ATP6V1C2: variants seen among roughly 807,000 people sequenced by gnomAD.
The protein encoded by ATP6V1C2 is V-type proton ATPase subunit C 2.
In ATP6V1C2, 45 loss-of-function variants were observed where a neutral mutation model predicts 56.8. The observed-to-expected ratio is 0.79, with a 90% CI of 0.62 to 1.02. ATP6V1C2 has a LOEUF of 1.02. Ranked by LOEUF, ATP6V1C2 falls within the 50% of genes least tolerant of loss-of-function variation. The pLI, the probability that ATP6V1C2 is intolerant of heterozygous loss-of-function variation, is 0.00. For synonymous variants in ATP6V1C2, 220 were observed against 201.3 expected (o/e 1.09, Z -0.79); for missense variants, 463 against 519.7 (o/e 0.89, Z 1.06).
At position 10,784,901 on chromosome 2, in the gene ATP6V1C2, G is replaced by T; in HGVS notation, c.*1638G>T. 1 of 1,432,996 alleles carries T rather than the reference G, an allele frequency of 7.0e-7. No individual in the cohort carries two copies. Among genetic ancestry groups the T allele is most frequent in the Non-Finnish European group, 9.7e-7 (1 of 1,036,048 alleles). The allele number at this position is 1,432,996 out of a possible 1,614,324, so 88.8% of individuals were successfully genotyped here. A position where few individuals can be genotyped will look rare whatever the true frequency, so the allele number is the denominator to read the frequency against. On this transcript the variant is annotated 3_prime_UTR_variant, in exon 14 of 14. Coordinates refer to ENST00000272238, the MANE Select transcript of ATP6V1C2 (RefSeq NM_001039362.2). ...AGGCTCAAGAGAGTAAACCAGGACT[G>T]CTGCCCGCACAGCTTCCCTCCCGGG...
At position 10,774,772 on chromosome 2, in the gene ATP6V1C2, T is replaced by C; in HGVS notation, c.639-16T>C. ...CCTAGCAGTGAGTCCAGCCAACAGATGCTTCTCTCCAACAGACTCATTACT... is the reference window on the plus strand; with the variant it reads ...CCTAGCAGTGAGTCCAGCCAACAGACGCTTCTCTCCAACAGACTCATTACT... On this transcript the variant is annotated splice_polypyrimidine_tract_variant and intron_variant, in intron 8 of 13. Coordinates refer to ENST00000272238, the MANE Select transcript of ATP6V1C2 (RefSeq NM_001039362.2). 6.2e-7 allele frequency: 1 copy of C among 1,610,740 alleles called. No homozygotes were observed. Among genetic ancestry groups the C allele is most frequent in the Non-Finnish European group, 8.5e-7 (1 of 1,176,956 alleles).
intron 3 of ATP6V1C2, among the ~76,000 whole-genome samples, chr2:10,746,278 G>T (rs1171135057): frequency 6.6e-6 from 1 of 152,142 alleles, no homozygotes; most frequent in East Asian, 1.9e-4. Flanking sequence ...GGGATTACAG[G>T]TGTGAGCCAC....
chr2:10,749,658 G>A (rs11690607), intron 3 of ATP6V1C2, among the ~76,000 whole-genome samples: 4,131 of 152,194 alleles, frequency 0.027, 180 homozygotes, highest in African/African-American at 0.094. Context: ...AACTGTAAAT[G>A]TTCATATTCT....
At chr2:10,770,624 G>C (rs1348979405) in intron 6 of ATP6V1C2, among the ~76,000 whole-genome samples, 1 of 152,246 alleles carries the variant, frequency 6.6e-6, no homozygotes, top group Non-Finnish European at 1.5e-5. Flanking sequence ...GATTGGTTGG[G>C]ACTTGTGCAA....
rs143204819 is a variant in ATP6V1C2, at chr2:10,743,075, C to T, written c.198-10906C>T. On this transcript the variant is annotated intron_variant, in intron 3 of 13. Transcript: ENST00000272238. ...GCCTGAGTAGCACGCCTCTGTCTTA[C>T]TCCTTTATTTACTCACTGCTTTGTC... Among the ~76,000 whole-genome samples the T allele has an allele frequency of 2.6e-4, 39 of 152,278 alleles. 1 individual carries two copies. In the East Asian group the frequency reaches 6.8e-3, roughly 26 times the overall value.
At chr2:10,775,202 C>G in intron 10 of ATP6V1C2, 131 bp downstream of exon 10, 1 of 721,602 alleles carries the variant, frequency 1.4e-6, no homozygotes, top group Non-Finnish European at 2.4e-6. Flanking sequence ...CCATGGGGAC[C>G]GTCTGTTCTC....
chr2:10,774,905 A>G lies in ATP6V1C2; in HGVS notation c.731+25A>G, dbSNP rs370217739. Reference sequence around the variant, plus strand: ...AGTAAGGGTCCTCCAGGTTTGGTTCATCTCCCGCTGCGGGGGGTCTCTGCC... The same window carrying G: ...AGTAAGGGTCCTCCAGGTTTGGTTCGTCTCCCGCTGCGGGGGGTCTCTGCC... On this transcript the variant is annotated intron_variant, in intron 9 of 13. Coordinates refer to ENST00000272238, the MANE Select transcript of ATP6V1C2 (RefSeq NM_001039362.2). 37 of 1,613,136 alleles carry G rather than the reference A, an allele frequency of 2.3e-5. No homozygotes were observed. The African/African-American group carries it at 2.9e-4, about 13-fold the overall frequency.
chr2:10,784,349 T>C lies in ATP6V1C2; in HGVS notation c.*1086T>C, dbSNP rs202128717. The C allele has an allele frequency of 1.9e-6, 3 of 1,601,264 alleles. No individual in the cohort carries two copies. Among genetic ancestry groups the C allele is most frequent in the South Asian group, 2.2e-5 (2 of 90,044 alleles). On this transcript the variant is annotated 3_prime_UTR_variant, in exon 14 of 14. Transcript: ENST00000272238. ...AAGCTGGGAGACGACAGAAAGCCAC[T>C]GTTAGATCTGCAGAAGGGGACACCC...
chr2:10,777,860 T>A, intron 11 of ATP6V1C2, 138 bp downstream of exon 11: 1 of 1,128,256 alleles, frequency 8.9e-7, no homozygotes, highest in South Asian at 1.7e-5. Context: ...GGAGCCGGAA[T>A]CATGCCTTCC....
At position 10,724,768 on chromosome 2, in the gene ATP6V1C2, G is replaced by A. The variant is rs564757011; in HGVS notation, c.130-1734G>A. Reference sequence around the variant, plus strand: ...GCTCACTGCAACCTCCGCCTCCTGGGTTCAAGTGATTCTCCTGCCTCAGCC... The same window carrying A: ...GCTCACTGCAACCTCCGCCTCCTGGATTCAAGTGATTCTCCTGCCTCAGCC... On this transcript the variant is annotated intron_variant, in intron 2 of 13. Transcript: ENST00000272238. 5.6e-3 allele frequency among the ~76,000 whole-genome samples: 843 copies of A among 151,308 alleles called. 9 individuals carry two copies. The highest frequency in any genetic ancestry group is 9.2e-3 in the Non-Finnish European group (623 of 67,916).
At chr2:10,729,916 G>A (rs751511674) in intron 3 of ATP6V1C2, among the ~76,000 whole-genome samples, 12 of 152,172 alleles carry the variant, frequency 7.9e-5, no homozygotes, top group Admixed American at 6.5e-5. Context: ...CTGCAGTGCT[G>A]GGACTCAGTG....
At chr2:10,730,057 T>C (rs1213888589) in intron 3 of ATP6V1C2, among the ~76,000 whole-genome samples, 2 of 152,230 alleles carry the variant, frequency 1.3e-5, no homozygotes, top group African/African-American at 4.8e-5. Context: ...AATGGTGATA[T>C]GGCTGCTACT....
intron 10 of ATP6V1C2, among the ~76,000 whole-genome samples, 178 bp downstream of exon 10, chr2:10,775,249 T>C (rs1406264179): frequency 6.6e-6 from 1 of 151,852 alleles, no homozygotes; most frequent in South Asian, 2.1e-4. Flanking sequence ...GGAGGGGCGG[T>C]GAGCACAAAG....
intron 5 of ATP6V1C2, among the ~76,000 whole-genome samples, chr2:10,764,744 G>C (rs1262717710): frequency 6.6e-6 from 1 of 152,218 alleles, no homozygotes; most frequent in Non-Finnish European, 1.5e-5. Context: ...GGCCAAGGTG[G>C]GTGGATCATG....
At chr2:10,730,316 A>G (rs771267324) in intron 3 of ATP6V1C2, among the ~76,000 whole-genome samples, 2 of 152,048 alleles carry the variant, frequency 1.3e-5, no homozygotes, top group Non-Finnish European at 2.9e-5. Flanking sequence ...GGGTTTCACC[A>G]TGTTGGGCAG....
rs1305713933 is a variant in ATP6V1C2 at position 10,763,814 on chromosome 2, G to T, written c.284-517G>T. 6.6e-6 allele frequency among the ~76,000 whole-genome samples: 1 copy of T among 152,162 alleles called. No homozygotes were observed. The highest frequency in any genetic ancestry group is 1.5e-5 in the Non-Finnish European group (1 of 68,030). On this transcript the variant is annotated intron_variant, in intron 4 of 13. Transcript: ENST00000272238. The surrounding 1 kb of genome is among the most constrained non-coding windows in gnomAD (Gnocchi z 4.2). Reference sequence around the variant, plus strand: ...TTCCCTCCTAGCCTAGAGCCCTGGGGGTTGAGTCAGCTGAGGTTTATTCAG... The same window carrying T: ...TTCCCTCCTAGCCTAGAGCCCTGGGTGTTGAGTCAGCTGAGGTTTATTCAG...
Position 10,774,881 on chromosome 2 carries a change from G to C in ATP6V1C2, c.731+1G>C. 6.2e-7 allele frequency: 1 copy of C among 1,614,142 alleles called. No homozygotes were observed. The highest frequency in any genetic ancestry group is 8.5e-7 in the Non-Finnish European group (1 of 1,179,966). On this transcript the variant is annotated splice_donor_variant, in intron 9 of 13. Transcript: ENST00000272238. LOFTEE classifies it high-confidence loss of function. ...TCAAAACCAAGGCCAAAGAAAACAA[G>C]TAAGGGTCCTCCAGGTTTGGTTCAT... is the stretch of plus-strand genomic sequence containing the variant.
chr2:10,722,992 G>C lies in ATP6V1C2; in HGVS notation c.129+14G>C. The stretch of plus-strand genomic sequence containing the variant: ...CCTGACTTCAAGGTAAAATTCTTGG[G>C]GAGGAGTGAAAAAGGGATGGATTGG... On this transcript the variant is annotated intron_variant, in intron 2 of 13. Transcript: ENST00000272238. 2.5e-6 allele frequency: 4 copies of C among 1,612,982 alleles called. No homozygotes were observed. The highest frequency in any genetic ancestry group is 3.4e-6 in the Non-Finnish European group (4 of 1,179,640).
chr2:10,746,458 G>A (rs2148445824), intron 3 of ATP6V1C2, among the ~76,000 whole-genome samples: 1 of 142,476 alleles, frequency 7.0e-6, no homozygotes, highest in Middle Eastern at 3.8e-3. Context: ...TGTCACCCAT[G>A]CTGGAATGCA....
Sources: allele counts gnomAD v4.1 joint callset (sites outside exome capture counted in the v4.1 genomes callset), GRCh38; gene constraint gnomAD v4.1.1; non-coding constraint Gnocchi (gnomAD v3.1); transcripts MANE v1.5; gene names NCBI Gene and HGNC (gene_info 2026-07-23, HGNC 2026-07-21).